PPP1R1C: variants seen among roughly 807,000 people sequenced by gnomAD.
PPP1R1C encodes protein phosphatase 1 regulatory inhibitor subunit 1C.
PPP1R1C carries 15 observed loss-of-function variants against 17.4 expected under a neutral mutation model. That is an observed-to-expected ratio of 0.86 (90% confidence interval 0.58 to 1.33). The LOEUF (loss-of-function observed/expected upper bound fraction) is 1.33. Among genes scored for constraint, PPP1R1C ranks in the 40% most tolerant of loss-of-function variants. PPP1R1C has a pLI of 0.00. For missense variants in PPP1R1C, 143 were observed against 130.0 expected (o/e 1.10, Z -0.48); for synonymous variants, 35 against 43.1 (o/e 0.81, Z 0.73).
At chr2:182,106,807 C>G (rs1032591162) in intron 4 of PPP1R1C, among the ~76,000 whole-genome samples, 2 of 152,170 alleles carry the variant, frequency 1.3e-5, no homozygotes, top group Non-Finnish European at 2.9e-5. Flanking sequence ...GCTTCAGGAG[C>G]TGTAAACACT....
intron 2 of PPP1R1C, among the ~76,000 whole-genome samples, chr2:182,052,044 TA>T (rs1452648236): frequency 1.3e-5 from 2 of 152,134 alleles, no homozygotes; most frequent in African/African-American, 4.8e-5. Flanking sequence ...TAATACTTAA[TA>T]TTTTTGACAA....
At chr2:181,972,648 T>C (rs1274381507) in intron 1 of PPP1R1C, among the ~76,000 whole-genome samples, 2 of 152,158 alleles carry the variant, frequency 1.3e-5, no homozygotes, top group African/African-American at 2.4e-5. Context: ...TCTGAGTCAC[T>C]ACAAGTGACC....
At chr2:182,027,655 T>C (rs1449841078) in intron 2 of PPP1R1C, among the ~76,000 whole-genome samples, 1 of 146,514 alleles carries the variant, frequency 6.8e-6, no homozygotes, top group Admixed American at 6.8e-5. Context: ...TCATCAAGGA[T>C]ATTGGTCTAA....
chr2:182,016,511 A>G (rs570505705), intron 2 of PPP1R1C, among the ~76,000 whole-genome samples: 1 of 152,326 alleles, frequency 6.6e-6, no homozygotes, highest in South Asian at 2.1e-4. Flanking sequence ...ATAGTGTAGT[A>G]TTATTCACTT....
At chr2:182,121,701 G>A (rs375193825), downstream of PPP1R1C, among the ~76,000 whole-genome samples, 1 of 151,636 alleles carries the variant, frequency 6.6e-6, no homozygotes, top group South Asian at 2.1e-4. Context: ...ACGGGGTTTC[G>A]CCATATTGTC....
In PPP1R1C at chr2:182,031,042, A is replaced by G. The variant is rs555478650; in HGVS notation, c.143-30400A>G. ...ACTCCCTGACCCCTTGCGCTTCCCAAGTGAGGCAATGCCTCACCCTGCTTC... is the reference window on the plus strand; with the variant it reads ...ACTCCCTGACCCCTTGCGCTTCCCAGGTGAGGCAATGCCTCACCCTGCTTC... On this transcript the variant is annotated intron_variant, in intron 2 of 4. Coordinates refer to ENST00000682840, the MANE Select transcript of PPP1R1C (RefSeq NM_001080545.3). The G allele has an allele frequency of 2.1e-3, 319 of 153,778 alleles. 2 individuals carry two copies. The highest frequency in any genetic ancestry group is 3.3e-3 in the Middle Eastern group (1 of 302). The allele number at this position is 153,778 out of a possible 1,614,324, so 9.5% of individuals were successfully genotyped here.
chr2:182,123,288 T>C (rs923836207), intron 5 of PPP1R1C, among the ~76,000 whole-genome samples: 1 of 152,232 alleles, frequency 6.6e-6, no homozygotes, highest in Non-Finnish European at 1.5e-5. Context: ...GTCTTTGCTT[T>C]TGTGAATAGT....
intron 5 of PPP1R1C, among the ~76,000 whole-genome samples, chr2:182,124,464 T>C (rs1287827242): frequency 1.1e-4 from 17 of 151,678 alleles, no homozygotes; most frequent in Non-Finnish European, 1.5e-5. Context: ...GGGAATAGCA[T>C]TGAATCTATA....
At chr2:182,073,235 C>G (rs1688191312) in intron 4 of PPP1R1C, among the ~76,000 whole-genome samples, 2 of 152,212 alleles carry the variant, frequency 1.3e-5, no homozygotes, top group Admixed American at 1.3e-4. Context: ...GTAATTCCTT[C>G]TAGCTAGACT....
chr2:181,998,706 A>C (rs1462294287), intron 2 of PPP1R1C, among the ~76,000 whole-genome samples: 1 of 152,238 alleles, frequency 6.6e-6, no homozygotes, highest in Non-Finnish European at 1.5e-5. Flanking sequence ...TATTTGCCAT[A>C]GAGAACTTCC....
Position 182,038,320 on chromosome 2 carries a change from C to T in PPP1R1C, c.143-23122C>T, listed in dbSNP as rs922407765. Among the ~76,000 whole-genome samples, 10 of 151,990 alleles carry T rather than the reference C, an allele frequency of 6.6e-5. No individual in the cohort carries two copies. The East Asian group carries it at 7.7e-4, about 12-fold the overall frequency. On this transcript the variant is annotated intron_variant, in intron 2 of 4. Coordinates refer to ENST00000682840, the MANE Select transcript of PPP1R1C (RefSeq NM_001080545.3). ...TCCCAAACTGCTGAGATTATAGGCA[C>T]GAGCCACTGCACCCAGCCTTATTCA...
downstream of PPP1R1C, chr2:182,130,960 G>A (rs958465112): frequency 7.2e-5 from 11 of 152,164 alleles, no homozygotes; most frequent in Admixed American, 7.2e-4. Flanking sequence ...AGAATAAATG[G>A]AATATATAGG....
intron 2 of PPP1R1C, among the ~76,000 whole-genome samples, chr2:182,038,277 A>G (rs1037440778): frequency 6.6e-6 from 1 of 152,048 alleles, no homozygotes; most frequent in Admixed American, 6.6e-5. Context: ...GAGCTCAAGC[A>G]ATCTGCCCGC....
chr2:181,994,361 G>T (rs368778489), intron 2 of PPP1R1C, among the ~76,000 whole-genome samples: 2 of 152,018 alleles, frequency 1.3e-5, no homozygotes, highest in East Asian at 1.9e-4. Context: ...AAATACTCTT[G>T]TTGCTCAATT....
Position 181,957,258 on chromosome 2 carries a change from G to T in PPP1R1C, n.111+2624G>T, listed in dbSNP as rs892946889. 2.0e-5 allele frequency among the ~76,000 whole-genome samples: 3 copies of T among 152,318 alleles called. No individual in the cohort carries two copies. The highest frequency in any genetic ancestry group is 4.4e-5 in the Non-Finnish European group (3 of 68,030). On this transcript the variant is annotated intron_variant and non_coding_transcript_variant, in intron 1 of 5. Transcript: ENST00000464264. This position sits in a 1 kb window ranked among gnomAD's most constrained non-coding sequence, Gnocchi z 4.2. ...CCCTGTAATCCCAGCTATTCAGGAG[G>T]CTGAGGCAGAATTGCTTGAACCCGG...
rs182243536 is a variant in PPP1R1C, at chr2:181,992,513, C to A, written c.142+4614C>A. ...GTGGCATCCATTGTTTTCCATTTAC[C>A]GTTAAGCAGAGACAATATGGTTACA... On this transcript the variant is annotated intron_variant, in intron 2 of 4. Transcript: ENST00000682840. Among the ~76,000 whole-genome samples the A allele has an allele frequency of 6.0e-5, 8 of 133,516 alleles. 1 individual carries two copies. The highest frequency in any genetic ancestry group is 1.3e-4 in the Non-Finnish European group (8 of 59,740). 87.6% of individuals were successfully genotyped at this position (133,516 alleles called of 152,430 possible).
chr2:182,108,444 C>T (rs1689319791), intron 4 of PPP1R1C, among the ~76,000 whole-genome samples: 1 of 151,982 alleles, frequency 6.6e-6, no homozygotes, highest in South Asian at 2.1e-4. Context: ...ATGTTTTCTT[C>T]TTTACTCATT....
intron 4 of PPP1R1C, among the ~76,000 whole-genome samples, chr2:182,106,955 ACTC>A (rs1689272569): frequency 6.6e-6 from 1 of 150,428 alleles, no homozygotes; most frequent in African/African-American, 2.5e-5. Context: ...ATAAGGAAAA[ACTC>A]CTCCCATTTC....
intron 4 of PPP1R1C, among the ~76,000 whole-genome samples, chr2:182,114,432 A>C (rs1367983410): frequency 6.6e-6 from 1 of 152,220 alleles, no homozygotes; most frequent in Non-Finnish European, 1.5e-5. Flanking sequence ...AACACAAATT[A>C]TACGTGTGTT....
Sources: allele counts gnomAD v4.1 joint callset (sites outside exome capture counted in the v4.1 genomes callset), GRCh38; gene constraint gnomAD v4.1.1; non-coding constraint Gnocchi (gnomAD v3.1); transcripts MANE v1.5; gene names NCBI Gene and HGNC (gene_info 2026-07-23, HGNC 2026-07-21).